The following CUL2 variants were observed in gnomAD, a reference collection of about 807,000 sequenced individuals.
CUL2 encodes the protein cullin-2.
CUL2 carries 22 observed loss-of-function variants against 110.2 expected under a neutral mutation model. That is an observed-to-expected ratio of 0.20 (90% CI 0.14 to 0.28). CUL2 has a LOEUF of 0.28. Ranked by LOEUF, CUL2 falls within the 10% of genes least tolerant of loss-of-function variation. The pLI is 1.00. For synonymous variants in CUL2, 279 were observed against 293.2 expected, an observed-to-expected ratio of 0.95 and a Z score of 0.49; for missense variants, 631 against 905.5, an observed-to-expected ratio of 0.70 and a Z score of 3.89.
At chr10:35,035,108 A>G in intron 10 of CUL2, 64 bp downstream of exon 10, 4 of 1,579,118 alleles carry the variant, frequency 2.5e-6, no homozygotes, top group Non-Finnish European at 3.5e-6. Flanking sequence ...CAATAAAGTC[A>G]AAGGAAAGGC....
Position 35,011,973 on chromosome 10 carries a change from C to T in CUL2, c.1990-9G>A. The stretch of plus-strand genomic sequence containing the variant: ...CTAGTCTGCTCCATTTCCTGTTTTA[C>T]AGAAGAAAAGAAAAAAGACCCAACA... On this transcript the variant is annotated splice_polypyrimidine_tract_variant and intron_variant, in intron 19 of 20. Transcript: ENST00000374749. 4 of 1,532,318 alleles carry T rather than the reference C, an allele frequency of 2.6e-6. No individual in the cohort carries two copies. Among genetic ancestry groups the T allele is most frequent in the South Asian group, 1.2e-5 (1 of 84,872 alleles). 94.9% of individuals were successfully genotyped at this position (1,532,318 alleles called of 1,614,324 possible). A position where few individuals can be genotyped will look rare whatever the true frequency, so the allele number is the denominator to read the frequency against.
intron 3 of CUL2, among the ~76,000 whole-genome samples, 172 bp from the exon 4 acceptor site, chr10:35,061,140 A>G (rs113559022): frequency 0.027 from 4,088 of 152,318 alleles, 180 homozygotes; most frequent in African/African-American, 0.09. Flanking sequence ...CAACTGGGAA[A>G]GATGTGAGTC....
rs185081505 is a variant in CUL2 at position 35,023,654 on chromosome 10, A to C, written c.1684+1478T>G. Among the ~76,000 whole-genome samples, 20 of 152,344 alleles carry C rather than the reference A, an allele frequency of 1.3e-4. No homozygotes were observed. The East Asian group carries it at 3.3e-3, about 25-fold the overall frequency. ...AGGAGACACATTGATTATTGCTGAA[A>C]TAATGAGAATAACCAAGAATGTTTA... On this transcript the variant is annotated intron_variant, in intron 17 of 20. Transcript: ENST00000374749.
At chr10:35,051,331 C>T (rs1407893714) in intron 5 of CUL2, among the ~76,000 whole-genome samples, 2 of 127,824 alleles carry the variant, frequency 1.6e-5, no homozygotes, top group African/African-American at 3.0e-5. Flanking sequence ...GAAAAAAAAC[C>T]GGCCAGGCGC....
intron 4 of CUL2, among the ~76,000 whole-genome samples, chr10:35,057,822 A>G (rs1044330614): frequency 6.6e-6 from 1 of 150,992 alleles, no homozygotes; most frequent in Non-Finnish European, 1.5e-5. Context: ...GGCTGGACGC[A>G]GTGGCTCACG....
At chr10:35,088,430 C>CG (rs563991606) in intron 1 of CUL2, among the ~76,000 whole-genome samples, 1 of 61,052 alleles carries the variant, frequency 1.6e-5, no homozygotes, top group Non-Finnish European at 3.5e-5. Context: ...ATTGCTTGAA[C>CG]TGGGAGGTTG....
chr10:35,028,880 G>A lies in CUL2; in HGVS notation c.1547C>T (p.Ala516Val), dbSNP rs1347538705. The A allele has an allele frequency of 6.2e-7, 1 of 1,603,474 alleles. No individual in the cohort carries two copies. Among genetic ancestry groups the A allele is most frequent in the East Asian group, 2.2e-5 (1 of 44,764 alleles). Residue 516 changes from alanine (A) to valine (V), a missense_variant, in exon 16 of 21, where the codon GCG becomes GTG. Transcript: ENST00000374749. ...SFQIYVLQAGAWPLTQAPSST... is the reference protein window; with the variant it reads ...SFQIYVLQAGVWPLTQAPSST... ...TGAAGGAGCCTGAGTAAGAGGCCAC[G>A]CACCAGCCTAGAAGGAAAAAAATAA...
At chr10:35,041,675 C>T (rs1215162791) in intron 8 of CUL2, among the ~76,000 whole-genome samples, 2 of 152,086 alleles carry the variant, frequency 1.3e-5, no homozygotes. Context: ...GAGCTATGAC[C>T]AGACGACTAC....
intron 14 of CUL2, among the ~76,000 whole-genome samples, chr10:35,030,523 G>C (rs560738632): frequency 1.3e-5 from 2 of 152,124 alleles, no homozygotes; most frequent in African/African-American, 4.8e-5. Flanking sequence ...ACTGGGACTA[G>C]AGGAACACGC....
intron 2 of CUL2, among the ~76,000 whole-genome samples, chr10:35,070,202 CT>C (rs764695170): frequency 3.9e-5 from 6 of 152,132 alleles, no homozygotes; most frequent in Non-Finnish European, 7.4e-5. Flanking sequence ...TATAAAAGAT[CT>C]TTTCAAACTT....
At chr10:35,087,217 A>T (rs1471537885) in intron 1 of CUL2, among the ~76,000 whole-genome samples, 2 of 152,172 alleles carry the variant, frequency 1.3e-5, no homozygotes, top group Non-Finnish European at 2.9e-5. Context: ...ACGCCTGGCT[A>T]ATGTTTTTTA....
chr10:35,013,098 T>C lies in CUL2; in HGVS notation c.1989+601A>G, dbSNP rs2084944283. Among the ~76,000 whole-genome samples the C allele has an allele frequency of 3.3e-5, 5 of 152,248 alleles. No homozygotes were observed. In the South Asian group the frequency reaches 1.0e-3, roughly 32 times the overall value. ...GTTCACACCTGTAATCCCAGCACTT[T>C]GGCAGGCTGAGGCGGGCGGATCACG... On this transcript the variant is annotated intron_variant, in intron 19 of 20. Transcript: ENST00000374749.
chr10:35,093,226 G>A (rs933748163), upstream of CUL2, among the ~76,000 whole-genome samples: 44 of 151,834 alleles, frequency 2.9e-4, no homozygotes, highest in Non-Finnish European at 1.0e-4. Flanking sequence ...ACTGATTTGA[G>A]TGATAACTCC....
At chr10:35,037,521 T>C (rs1233948476) in intron 9 of CUL2, among the ~76,000 whole-genome samples, 1 of 152,194 alleles carries the variant, frequency 6.6e-6, no homozygotes, top group Non-Finnish European at 1.5e-5. Context: ...TTTGACTACA[T>C]TGCCCTGGAT....
intron 1 of CUL2, among the ~76,000 whole-genome samples, chr10:35,073,315 T>C (rs1240539715): frequency 6.6e-6 from 1 of 152,196 alleles, no homozygotes; most frequent in African/African-American, 2.4e-5. Context: ...TCCTAAGCTC[T>C]AAATAAGGGA....
chr10:35,030,553 T>A (rs888639997), intron 14 of CUL2, among the ~76,000 whole-genome samples: 1 of 152,080 alleles, frequency 6.6e-6, no homozygotes, highest in Non-Finnish European at 1.5e-5. Flanking sequence ...CAGCTAACTT[T>A]TGTATTTTTG....
At chr10:35,019,053 T>C (rs2134651621) in intron 17 of CUL2, among the ~76,000 whole-genome samples, 1 of 152,294 alleles carries the variant, frequency 6.6e-6, no homozygotes, top group East Asian at 1.9e-4. Flanking sequence ...ACAATTTCTA[T>C]AAAAAGGACT....
intron 1 of CUL2, among the ~76,000 whole-genome samples, chr10:35,103,717 C>A (rs541333850): frequency 6.6e-6 from 1 of 152,116 alleles, no homozygotes; most frequent in Non-Finnish European, 1.5e-5. Context: ...ACCTCAGCCT[C>A]CTAAAGTGCT....
At position 35,010,447 on chromosome 10, in the gene CUL2, G is replaced by A. The variant is rs2134601880; in HGVS notation, c.2107-5C>T. The stretch of plus-strand genomic sequence containing the variant: ...AGCTCTTGACTGGCTAATCACCTGT[G>A]GAAGAGATGTGGAAGTCAAACTACT... On this transcript the variant is annotated splice_region_variant and splice_polypyrimidine_tract_variant and intron_variant, in intron 20 of 20. Transcript: ENST00000374749. The A allele has an allele frequency of 6.3e-7, 1 of 1,598,924 alleles. No homozygotes were observed. The highest frequency in any genetic ancestry group is 8.5e-7 in the Non-Finnish European group (1 of 1,172,436).
Sources: gnomAD v4.1 joint callset for allele counts (sites outside exome capture counted in the v4.1 genomes callset) on GRCh38, gnomAD v4.1.1 for gene constraint, MANE v1.5 for transcripts, NCBI Gene and HGNC (gene_info 2026-07-23, HGNC 2026-07-21) for gene names.